The following GLIS3 variants were observed in gnomAD, a reference collection of about 807,000 sequenced individuals.
The protein encoded by GLIS3 is GLIS family zinc finger 3.
In GLIS3, 53 loss-of-function variants were observed where a neutral mutation model predicts 78.6. That is an observed-to-expected ratio of 0.67 (90% CI 0.54 to 0.85). GLIS3 has a LOEUF of 0.85. Among genes scored for constraint, GLIS3 ranks in the 40% least tolerant of loss-of-function variants. The pLI is 0.00. For missense variants in GLIS3, 1,703 were observed against 1,231.1 expected (o/e 1.38, Z -5.74); for synonymous variants, 684 against 509.9 (o/e 1.34, Z -4.60).
At position 4,245,654 on chromosome 9, in the gene GLIS3, T is replaced by C. The variant is rs534099023; in HGVS notation, c.388+40384A>G. Among the ~76,000 whole-genome samples the C allele has an allele frequency of 1.2e-3, 187 of 152,344 alleles. 1 individual carries two copies. The highest frequency in any genetic ancestry group is 4.4e-3 in the African/African-American group (184 of 41,572). ...CCAATGGCACGGAGAAAGGATTGTT[T>C]TGAAAACTGATATAATTTTCAATGT... On this transcript the variant is annotated intron_variant, in intron 2 of 10. Transcript: ENST00000381971.
chr9:3,881,957 C>G (rs1208331064), intron 7 of GLIS3, among the ~76,000 whole-genome samples: 1 of 152,240 alleles, frequency 6.6e-6, no homozygotes, highest in East Asian at 1.9e-4. Context: ...TGTATTATGA[C>G]AATTTATACT....
At chr9:4,253,684 T>C (rs1824623279) in intron 2 of GLIS3, among the ~76,000 whole-genome samples, 1 of 152,194 alleles carries the variant, frequency 6.6e-6, no homozygotes, top group African/African-American at 2.4e-5. Context: ...TAGCTGGGTG[T>C]CCGCCCAAAC....
At chr9:4,234,748 T>A (rs1192687503) in intron 2 of GLIS3, among the ~76,000 whole-genome samples, 1 of 152,232 alleles carries the variant, frequency 6.6e-6, no homozygotes, top group Non-Finnish European at 1.5e-5. Flanking sequence ...TGCAATAAAC[T>A]GAAGCAAAAT....
chr9:4,210,559 A>T (rs760746619), intron 2 of GLIS3, among the ~76,000 whole-genome samples: 1 of 152,200 alleles, frequency 6.6e-6, no homozygotes, highest in Non-Finnish European at 1.5e-5. Context: ...TTTTAAGAGC[A>T]AATTTTAGTG....
the GLIS3 span, among the ~76,000 whole-genome samples, chr9:4,487,954 A>G: frequency 6.6e-6 from 1 of 152,076 alleles, no homozygotes; most frequent in African/African-American, 2.4e-5. Context: ...AGCCTCCCAA[A>G]CTGCTGGGAA....
chr9:4,050,229 A>G (rs1825626423), intron 4 of GLIS3, among the ~76,000 whole-genome samples: 2 of 152,224 alleles, frequency 1.3e-5, no homozygotes, highest in Non-Finnish European at 2.9e-5. Flanking sequence ...TGGATTAAGA[A>G]AATGTGGCAC....
At chr9:4,446,154 C>T in the GLIS3 span, among the ~76,000 whole-genome samples, 1 of 152,192 alleles carries the variant, frequency 6.6e-6, no homozygotes, top group Non-Finnish European at 1.5e-5. Flanking sequence ...GAATGTGTCC[C>T]TCCAAAATTC....
chr9:4,399,579 C>T, the GLIS3 span, among the ~76,000 whole-genome samples: 17 of 152,170 alleles, frequency 1.1e-4, no homozygotes, highest in East Asian at 7.7e-4. Flanking sequence ...CATAATGCCA[C>T]GTTTAATCTT....
upstream of GLIS3, among the ~76,000 whole-genome samples, chr9:4,349,210 A>G (rs916141813): frequency 2.6e-5 from 4 of 152,210 alleles, no homozygotes; most frequent in African/African-American, 9.6e-5. Context: ...TCCTTTCCAC[A>G]ACAGTTTATG....
chr9:4,122,925 G>A (rs1456646426), intron 3 of GLIS3, among the ~76,000 whole-genome samples: 1 of 152,162 alleles, frequency 6.6e-6, no homozygotes, highest in African/African-American at 2.4e-5. Context: ...AGACGGTAAG[G>A]TATAGTTTGC....
intron 4 of GLIS3, among the ~76,000 whole-genome samples, chr9:3,986,237 A>G (rs145728811): frequency 6.6e-6 from 1 of 152,322 alleles, no homozygotes; most frequent in East Asian, 1.9e-4. Flanking sequence ...GTGAGCAGAG[A>G]AGATGTAAAT....
intron 4 of GLIS3, among the ~76,000 whole-genome samples, chr9:4,002,262 A>G (rs1273404147): frequency 6.6e-6 from 1 of 152,138 alleles, no homozygotes; most frequent in African/African-American, 2.4e-5. Context: ...AAGTCAAGGA[A>G]ACAGATTCTT....
chr9:3,911,821 T>C (rs1280478235), intron 6 of GLIS3, among the ~76,000 whole-genome samples: 1 of 152,214 alleles, frequency 6.6e-6, no homozygotes, highest in Non-Finnish European at 1.5e-5. Context: ...GTTAAACACA[T>C]GCTGCCATTT....
chr9:4,139,644 G>A (rs181472523), intron 2 of GLIS3, among the ~76,000 whole-genome samples: 8 of 152,190 alleles, frequency 5.3e-5, no homozygotes, highest in Middle Eastern at 3.4e-3. Flanking sequence ...TTCATGGTTC[G>A]TGGTTTCATG....
chr9:4,052,889 G>A (rs1481681897), intron 4 of GLIS3, among the ~76,000 whole-genome samples: 1 of 152,094 alleles, frequency 6.6e-6, no homozygotes, highest in Admixed American at 6.6e-5. Context: ...ACCTATGGAG[G>A]AACTGCCAAA....
chr9:3,913,737 C>T (rs779041585), intron 6 of GLIS3, among the ~76,000 whole-genome samples: 3 of 152,102 alleles, frequency 2.0e-5, no homozygotes, highest in East Asian at 1.9e-4. Context: ...TGTTAGCACT[C>T]GTGATTTTCT....
At chr9:4,357,081 C>G in the GLIS3 span, among the ~76,000 whole-genome samples, 1 of 152,078 alleles carries the variant, frequency 6.6e-6, no homozygotes, top group East Asian at 1.9e-4. Flanking sequence ...AACAAAAGTT[C>G]TATTTTAGTT....
chr9:4,421,193 AAAT>A, the GLIS3 span, among the ~76,000 whole-genome samples: 1 of 152,232 alleles, frequency 6.6e-6, no homozygotes, highest in Non-Finnish European at 1.5e-5. Context: ...TGAAAGGCTG[AAAT>A]AATCTCTGTC....
At chr9:4,227,051 G>A (rs76570088) in intron 2 of GLIS3, among the ~76,000 whole-genome samples, 7,539 of 152,208 alleles carry the variant, frequency 0.05, 618 homozygotes, top group African/African-American at 0.17. Context: ...GGGAAGCCTG[G>A]TGCAGGGAGC....
Sources: gnomAD v4.1 joint callset for allele counts (sites outside exome capture counted in the v4.1 genomes callset) on GRCh38, gnomAD v4.1.1 for gene constraint, MANE v1.5 for transcripts, NCBI Gene and HGNC (gene_info 2026-07-23, HGNC 2026-07-21) for gene names.